The following NME9 variants were observed in gnomAD, a reference collection of about 807,000 sequenced individuals.
NME9 encodes thioredoxin domain-containing protein 6.
Under a neutral mutation model 44.4 loss-of-function variants are expected in NME9, and 48 were observed. The observed-to-expected ratio is 1.08, with a 90% CI of 0.86 to 1.37. The LOEUF is 1.37. Ranked by LOEUF, NME9 falls within the 40% of genes most tolerant of loss-of-function variation. NME9 has a pLI of 0.00. For synonymous variants in NME9, 139 were observed against 147.1 expected (o/e 0.94, Z 0.40); for missense variants, 325 against 405.2 (o/e 0.80, Z 1.70).
At chr3:138,267,728 G>T (rs1395931974) in intron 8 of NME9, among the ~76,000 whole-genome samples, 2 of 152,052 alleles carry the variant, frequency 1.3e-5, no homozygotes, top group Non-Finnish European at 2.9e-5. Context: ...TAAAATATTT[G>T]AGTATGTATT....
At chr3:138,261,825 A>G (rs997628915) in exon 9 of NME9, 1 of 152,244 alleles carries the variant, frequency 6.6e-6, no homozygotes, top group Non-Finnish European at 1.5e-5. Flanking sequence ...AAACAGCAAA[A>G]GCATGGAGAC....
At position 138,329,692 on chromosome 3, in the gene NME9, T is replaced by G; in HGVS notation, c.-357A>C. On this transcript the variant is annotated 5_prime_UTR_variant, in exon 1 of 11. Coordinates refer to ENST00000333911, the MANE Select transcript of NME9 (RefSeq NM_001349018.2). ...AGCCTGTCGGGCACAGGGTCGCCAG[T>G]CGAGGAATTCTGACAAAAAAACGAC... The G allele has an allele frequency of 8.7e-7, 1 of 1,146,970 alleles. No homozygotes were observed. The highest frequency in any genetic ancestry group is 1.1e-6 in the Non-Finnish European group (1 of 931,934). 71.0% of individuals were successfully genotyped at this position (1,146,970 alleles called of 1,614,324 possible).
At chr3:138,324,791 C>T in intron 2 of NME9, 82 bp downstream of exon 2, 1 of 1,091,004 alleles carries the variant, frequency 9.2e-7, no homozygotes, top group Non-Finnish European at 1.4e-6. Context: ...GTGTTCATTG[C>T]AGCCCTTCTC....
intron 6 of NME9, among the ~76,000 whole-genome samples, chr3:138,310,848 CCAAATGCGCTAAAAAAG>C (rs149085700): frequency 4.4e-4 from 67 of 151,990 alleles, no homozygotes; most frequent in African/African-American, 1.5e-3. Flanking sequence ...ATGGATGCAC[CCAAATGCGCTAAAAAAG>C]CAATAACCAA....
At chr3:138,291,390 T>C (rs2050936187) in intron 8 of NME9, among the ~76,000 whole-genome samples, 1 of 152,236 alleles carries the variant, frequency 6.6e-6, no homozygotes, top group Non-Finnish European at 1.5e-5. Context: ...ACACATTCTG[T>C]TCCATCTACT....
At chr3:138,310,378 A>G (rs577299088) in intron 6 of NME9, among the ~76,000 whole-genome samples, 33 of 151,518 alleles carry the variant, frequency 2.2e-4, no homozygotes, top group Non-Finnish European at 3.8e-4. Context: ...CAGGCAGAAG[A>G]CAAACGTCAT....
At chr3:138,315,981 G>A (rs905070504) in intron 4 of NME9, among the ~76,000 whole-genome samples, 14 of 152,192 alleles carry the variant, frequency 9.2e-5, no homozygotes, top group South Asian at 4.2e-4. Flanking sequence ...ACAGGTGCCC[G>A]CCACCATGCC....
chr3:138,301,835 C>T (rs6801411), intron 10 of NME9, 131 bp from the exon 11 acceptor site: 654,938 of 656,820 alleles, frequency 1, 326,558 homozygotes, highest in East Asian at 1. Context: ...AGTCCTGATA[C>T]GTGTTAGGGA....
At chr3:138,299,016 C>T (rs1401753596), downstream of NME9, among the ~76,000 whole-genome samples, 1 of 152,122 alleles carries the variant, frequency 6.6e-6, no homozygotes, top group Admixed American at 6.5e-5. Flanking sequence ...CACAGGAAAA[C>T]TTGGAAGTGA....
intron 9 of NME9, among the ~76,000 whole-genome samples, chr3:138,304,536 G>T (rs867400697): frequency 2.6e-5 from 4 of 152,312 alleles, no homozygotes; most frequent in Non-Finnish European, 4.4e-5. Context: ...TGATTGACAG[G>T]CTTGAATGGG....
At chr3:138,274,513 A>G (rs1375320591) in intron 8 of NME9, 5 of 1,613,192 alleles carry the variant, frequency 3.1e-6, no homozygotes, top group Non-Finnish European at 8.5e-7. Flanking sequence ...CTTATTCTAG[A>G]AGGGGAACAT....
At chr3:138,305,245 C>A (rs2052160482) in intron 8 of NME9, among the ~76,000 whole-genome samples, 1 of 152,136 alleles carries the variant, frequency 6.6e-6, no homozygotes, top group Non-Finnish European at 1.5e-5. Flanking sequence ...GATGACCTAC[C>A]ACACTCAGAA....
chr3:138,274,233 A>ATGTGTGTG (rs142329302), intron 8 of NME9, among the ~76,000 whole-genome samples: 49 of 142,268 alleles, frequency 3.4e-4, no homozygotes, highest in African/African-American at 1.4e-3. Context: ...GTGTATATAC[A>ATGTGTGTG]TGTGTGTGTG....
intron 2 of NME9, chr3:138,324,669 G>T (rs1345034675): frequency 4.7e-6 from 3 of 639,538 alleles, no homozygotes; most frequent in Non-Finnish European, 5.8e-6. Flanking sequence ...TTCCTGAACT[G>T]AATTTACTGA....
At chr3:138,273,686 T>C (rs1201897235) in intron 8 of NME9, among the ~76,000 whole-genome samples, 1 of 152,212 alleles carries the variant, frequency 6.6e-6, no homozygotes, top group African/African-American at 2.4e-5. Flanking sequence ...TGAGGAAATA[T>C]GAGTGGTTCC....
chr3:138,266,733 C>T (rs1360181360), intron 8 of NME9, among the ~76,000 whole-genome samples: 1 of 152,140 alleles, frequency 6.6e-6, no homozygotes. Flanking sequence ...TTCGTCAGTG[C>T]TCCTGGTCAA....
At chr3:138,273,131 C>T (rs761193933) in intron 8 of NME9, 3 of 1,598,526 alleles carry the variant, frequency 1.9e-6, no homozygotes, top group Non-Finnish European at 2.6e-6. Flanking sequence ...GTAAAATCAC[C>T]CAGGCTTCCA....
Position 138,329,458 on chromosome 3 carries a change from G to A in NME9, c.-123C>T. The A allele has an allele frequency of 6.7e-7, 1 of 1,495,388 alleles. No individual in the cohort carries two copies. The highest frequency in any genetic ancestry group is 8.9e-7 in the Non-Finnish European group (1 of 1,128,462). 92.6% of individuals were successfully genotyped at this position (1,495,388 alleles called of 1,614,324 possible). A position where few individuals can be genotyped will look rare whatever the true frequency, so the allele number is the denominator to read the frequency against. On this transcript the variant is annotated 5_prime_UTR_variant, in exon 1 of 11. Transcript: ENST00000333911. ...TCCTTCAGACAAGCCCCCCTCCTAC[G>A]GCCCCCGGCCCCTTTTTAAGGTGCT... is the stretch of plus-strand genomic sequence containing the variant.
intron 8 of NME9, among the ~76,000 whole-genome samples, chr3:138,287,370 T>G (rs1214132642): frequency 6.6e-6 from 1 of 152,148 alleles, no homozygotes; most frequent in Admixed American, 6.5e-5. Flanking sequence ...ACCTTCCTAT[T>G]CTTTAAGTCT....
Sources: gnomAD v4.1 joint callset for allele counts (sites outside exome capture counted in the v4.1 genomes callset) on GRCh38, gnomAD v4.1.1 for gene constraint, MANE v1.5 for transcripts, NCBI Gene and HGNC (gene_info 2026-07-23, HGNC 2026-07-21) for gene names.